The following GRIK1 variants were observed in gnomAD, a reference collection of about 807,000 sequenced individuals.
GRIK1 encodes the protein glutamate receptor ionotropic, kainate 1.
A neutral mutation model predicts 105.7 loss-of-function variants in GRIK1; 69 were observed. The ratio of observed to expected loss-of-function variants is 0.65; its 90% confidence interval spans 0.54 to 0.80. The LOEUF (loss-of-function observed/expected upper bound fraction) is 0.80, where lower values mean the gene tolerates loss of function less well. GRIK1 is among the 30% of genes least tolerant of loss of function. The probability of loss-of-function intolerance (pLI) is 0.00; values close to 1 mark genes in which losing one functional copy is unlikely to be tolerated. For synonymous variants in GRIK1, 438 were observed against 431.3 expected (o/e 1.02, Z -0.19); for missense variants, 1,109 against 1,167.3 (o/e 0.95, Z 0.73).
intron 3 of GRIK1, among the ~76,000 whole-genome samples, chr21:29,675,833 CAA>C (rs896974890): frequency 6.6e-6 from 1 of 152,116 alleles, no homozygotes; most frequent in African/African-American, 2.4e-5. Context: ...GGATTAAGGC[CAA>C]ATCCACCTTC....
At chr21:29,547,271 A>C (rs990256227) in intron 16 of GRIK1, among the ~76,000 whole-genome samples, 5 of 152,184 alleles carry the variant, frequency 3.3e-5, no homozygotes, top group Non-Finnish European at 5.9e-5. Context: ...CTCTATATCC[A>C]GGGGAGGCCT....
intron 1 of GRIK1, among the ~76,000 whole-genome samples, chr21:29,765,674 A>T (rs991654051): frequency 2.0e-5 from 3 of 152,050 alleles, no homozygotes; most frequent in Non-Finnish European, 4.4e-5. Flanking sequence ...TCGAATGGGG[A>T]CTAAGAGGGA....
intron 1 of GRIK1, among the ~76,000 whole-genome samples, chr21:29,926,307 T>G (rs2071368724): frequency 6.6e-6 from 1 of 152,218 alleles, no homozygotes. Context: ...GGCACCCTGA[T>G]TTAAAGAAAC....
intron 1 of GRIK1, among the ~76,000 whole-genome samples, chr21:29,698,709 T>C (rs918570649): frequency 6.6e-6 from 1 of 152,180 alleles, no homozygotes; most frequent in Non-Finnish European, 1.5e-5. Flanking sequence ...CTGATCATCA[T>C]TAGGAAGCTT....
intron 1 of GRIK1, among the ~76,000 whole-genome samples, chr21:29,734,429 G>C (rs900358722): frequency 3.2e-5 from 4 of 125,212 alleles, no homozygotes; most frequent in Non-Finnish European, 4.7e-5. Flanking sequence ...TTCTTTTTGA[G>C]ACAGAGTCTT....
rs1459529154 is a variant in GRIK1, at chr21:29,761,737, T to A, written c.119-67674A>T. Among the ~76,000 whole-genome samples the A allele has an allele frequency of 2.8e-5, 4 of 145,198 alleles. No homozygotes were observed. The East Asian group carries it at 8.3e-4, about 30-fold the overall frequency. ...TCTCTTTCTTTCCTTCCTTCCTTCT[T>A]TCTCTTTCTTTCGTTCTTTTTTTTT... is the stretch of plus-strand genomic sequence containing the variant. On this transcript the variant is annotated intron_variant, in intron 1 of 17. Coordinates refer to ENST00000327783, the MANE Select transcript of GRIK1 (RefSeq NM_001330994.2).
chr21:29,576,363 G>C (rs1474007163), intron 14 of GRIK1, among the ~76,000 whole-genome samples: 3 of 152,182 alleles, frequency 2.0e-5, no homozygotes, highest in African/African-American at 7.2e-5. Context: ...TAATTCTCCT[G>C]CGGTGCCTCC....
At chr21:29,759,872 G>T (rs1240488799) in intron 1 of GRIK1, 1 of 152,258 alleles carries the variant, frequency 6.6e-6, no homozygotes, top group East Asian at 1.9e-4. Flanking sequence ...ATCTCAATAA[G>T]GACATTTTCT....
chr21:29,737,458 G>C (rs1003789990), intron 1 of GRIK1, among the ~76,000 whole-genome samples: 11 of 152,218 alleles, frequency 7.2e-5, no homozygotes, highest in Admixed American at 2.6e-4. Context: ...GAAAAGTGGG[G>C]AGCCGAGCCA....
At chr21:29,602,784 G>A (rs772606513) in intron 7 of GRIK1, among the ~76,000 whole-genome samples, 1 of 152,216 alleles carries the variant, frequency 6.6e-6, no homozygotes, top group Non-Finnish European at 1.5e-5. Context: ...AAGCATGCTA[G>A]TTTGCTTAGA....
At chr21:29,876,736 AT>A (rs1172785977) in intron 1 of GRIK1, among the ~76,000 whole-genome samples, 1 of 152,024 alleles carries the variant, frequency 6.6e-6, no homozygotes, top group Non-Finnish European at 1.5e-5. Flanking sequence ...AGCGTGCTTT[AT>A]TTTTTTACAG....
intron 7 of GRIK1, among the ~76,000 whole-genome samples, chr21:29,640,802 T>C (rs143321735): frequency 8.5e-5 from 13 of 152,310 alleles, no homozygotes; most frequent in Non-Finnish European, 1.9e-4. Context: ...GGATGGCGAT[T>C]CAGGACACAA....
chr21:29,779,067 G>C (rs999194505), intron 1 of GRIK1, among the ~76,000 whole-genome samples: 1 of 152,130 alleles, frequency 6.6e-6, no homozygotes, highest in African/African-American at 2.4e-5. Context: ...TCACAGATAG[G>C]CTACCCAGCT....
intron 7 of GRIK1, among the ~76,000 whole-genome samples, chr21:29,620,919 ATATTC>A (rs1252147961): frequency 2.0e-5 from 3 of 148,716 alleles, no homozygotes; most frequent in Non-Finnish European, 3.0e-5. Context: ...AATTAATTCT[ATATTC>A]TATATATGCT....
intron 1 of GRIK1, among the ~76,000 whole-genome samples, chr21:29,762,262 A>T (rs2065546027): frequency 6.6e-6 from 1 of 152,254 alleles, no homozygotes; most frequent in Non-Finnish European, 1.5e-5. Flanking sequence ...CCAGGAAGGC[A>T]TCATCATCGT....
intron 1 of GRIK1, among the ~76,000 whole-genome samples, chr21:29,798,640 G>T (rs138040295): frequency 2.6e-4 from 39 of 152,238 alleles, no homozygotes; most frequent in African/African-American, 8.4e-4. Flanking sequence ...ATTTCTCAAA[G>T]AATTTTAGAG....
At chr21:29,871,166 G>T (rs975068506) in intron 1 of GRIK1, among the ~76,000 whole-genome samples, 1 of 152,116 alleles carries the variant, frequency 6.6e-6, no homozygotes, top group Non-Finnish European at 1.5e-5. Context: ...TCTGTAACTA[G>T]ACACAAGCTT....
At position 29,848,755 on chromosome 21, in the gene GRIK1, G is replaced by GTGTGTATA. The variant is rs773386863; in HGVS notation, c.118+90627_118+90628insTATACACA. 7.5e-4 allele frequency among the ~76,000 whole-genome samples: 68 copies of GTGTGTATA among 91,222 alleles called. No homozygotes were observed. The East Asian group carries it at 0.013, about 18-fold the overall frequency. The allele number at this position is 91,222 out of a possible 152,430, so 59.8% of individuals were successfully genotyped here. A position where few individuals can be genotyped will look rare whatever the true frequency, so the allele number is the denominator to read the frequency against. ...TCCTTAAATAGACCAAGTTGTGTGTGTATATATATATATATATATATATAT... is the reference window on the plus strand; with the variant it reads ...TCCTTAAATAGACCAAGTTGTGTGTGTGTGTATATATATATATATATATATATATATAT... On this transcript the variant is annotated intron_variant, in intron 1 of 17. Transcript: ENST00000327783.
At chr21:29,760,199 A>T (rs2145688452) in intron 1 of GRIK1, 1 of 152,306 alleles carries the variant, frequency 6.6e-6, no homozygotes, top group Non-Finnish European at 1.5e-5. Flanking sequence ...CAGTGTTGCA[A>T]ATGTCTGACA....
Sources: allele counts gnomAD v4.1 joint callset (sites outside exome capture counted in the v4.1 genomes callset), GRCh38; gene constraint gnomAD v4.1.1; transcripts MANE v1.5; gene names NCBI Gene and HGNC (gene_info 2026-07-23, HGNC 2026-07-21).